The following ZNF705A variants were observed in gnomAD, a reference collection of about 807,000 sequenced individuals.
ZNF705A encodes zinc finger protein 705A.
ZNF705A carries 8 observed loss-of-function variants against 16.6 expected under a neutral mutation model. That is an observed-to-expected ratio of 0.48 (90% CI 0.28 to 0.87). The LOEUF is 0.87. Among genes scored for constraint, ZNF705A ranks in the 40% least tolerant of loss-of-function variants. The probability of loss-of-function intolerance (pLI) is 0.10; values close to 1 mark genes in which losing one functional copy is unlikely to be tolerated. For missense variants in ZNF705A, 233 were observed against 359.9 expected (o/e 0.65, Z 2.85); for synonymous variants, 73 against 117.3 (o/e 0.62, Z 2.44).
chr12:8,172,259 T>C (rs755901078), upstream of ZNF705A, among the ~76,000 whole-genome samples: 10 of 151,458 alleles, frequency 6.6e-5, no homozygotes, highest in Admixed American at 6.6e-4. Context: ...GATCCCTGTG[T>C]TTTAAAATCA....
intron 1 of ZNF705A, among the ~76,000 whole-genome samples, chr12:8,165,223 G>C (rs4597133): frequency 2.7e-4 from 40 of 150,024 alleles, no homozygotes; most frequent in Admixed American, 6.6e-4. Context: ...TTTTCATATA[G>C]TTGTTGGCCA....
At chr12:8,176,004 A>G in intron 4 of ZNF705A, 62 bp downstream of exon 5, 1 of 1,580,226 alleles carries the variant, frequency 6.3e-7, no homozygotes, top group South Asian at 1.1e-5. Context: ...GGGTTAAGTT[A>G]GTAATGAAGC....
intron 1 of ZNF705A, among the ~76,000 whole-genome samples, chr12:8,162,905 T>C (rs1181778908): frequency 6.6e-6 from 1 of 152,210 alleles, no homozygotes; most frequent in Non-Finnish European, 1.5e-5. Context: ...TTACAGTACT[T>C]ACTGCCTTGT....
At chr12:8,163,794 AT>A (rs1383050405) in intron 1 of ZNF705A, among the ~76,000 whole-genome samples, 1 of 152,208 alleles carries the variant, frequency 6.6e-6, no homozygotes, top group African/African-American at 2.4e-5. Flanking sequence ...TGGCTGCTAA[AT>A]CCCCACCTAT....
chr12:8,170,793 T>C (rs771110930), upstream of ZNF705A, among the ~76,000 whole-genome samples: 1 of 152,304 alleles, frequency 6.6e-6, no homozygotes, highest in South Asian at 2.1e-4. Context: ...CATATGTTAC[T>C]GGAGTCCTGA....
upstream of ZNF705A, among the ~76,000 whole-genome samples, chr12:8,171,302 A>G (rs2120718819): frequency 6.6e-6 from 1 of 152,306 alleles, no homozygotes; most frequent in South Asian, 2.1e-4. Context: ...TTATTTTTAT[A>G]TTTTTAGCAG....
At chr12:8,177,236 C>G in exon 5 of ZNF705A, 1 of 1,611,580 alleles carries the variant, frequency 6.2e-7, no homozygotes, top group South Asian at 1.1e-5. Context: ...TAATTGCTTT[C>G]GCCTTAGACG....
At chr12:8,157,929 A>G (rs1591619811) in intron 1 of ZNF705A, among the ~76,000 whole-genome samples, 2 of 152,270 alleles carry the variant, frequency 1.3e-5, no homozygotes, top group East Asian at 3.9e-4. Flanking sequence ...TTTAAAGGAA[A>G]AAGAGGCAGA....
intron 1 of ZNF705A, among the ~76,000 whole-genome samples, chr12:8,173,104 C>T (rs764021882): frequency 6.6e-6 from 1 of 152,328 alleles, no homozygotes; most frequent in East Asian, 1.9e-4. Context: ...CACAGCCCAA[C>T]AATGAGTCTG....
At chr12:8,175,923 C>T in exon 4 of ZNF705A, 1 of 1,611,514 alleles carries the variant, frequency 6.2e-7, no homozygotes, top group Non-Finnish European at 8.5e-7. Flanking sequence ...AGAAAAGACG[C>T]ATCCACCAGT....
At chr12:8,158,262 C>A (rs969213139) in intron 1 of ZNF705A, among the ~76,000 whole-genome samples, 9 of 151,994 alleles carry the variant, frequency 5.9e-5, no homozygotes, top group African/African-American at 2.2e-4. Flanking sequence ...TTTTTATTAC[C>A]CGCAAAGTTC....
chr12:8,175,384 T>C, intron 3 of ZNF705A, 61 bp downstream of exon 4: 1 of 1,148,606 alleles, frequency 8.7e-7, no homozygotes, highest in Non-Finnish European at 1.3e-6. Context: ...ATAATATCAG[T>C]TGAATATTAA....
chr12:8,170,181 C>T (rs1187861854), upstream of ZNF705A, among the ~76,000 whole-genome samples: 3 of 115,836 alleles, frequency 2.6e-5, no homozygotes, highest in Non-Finnish European at 5.0e-5. Context: ...AAGAGCGAAA[C>T]TCTCCCCCCC....
intron 1 of ZNF705A, among the ~76,000 whole-genome samples, chr12:8,160,545 G>C (rs989896223): frequency 1.4e-5 from 2 of 147,132 alleles, no homozygotes; most frequent in Non-Finnish European, 1.5e-5. Flanking sequence ...TGCCTCTTTG[G>C]TTAGGTATAT....
chr12:8,167,361 C>T (rs1015342566), intron 1 of ZNF705A, among the ~76,000 whole-genome samples: 4 of 152,196 alleles, frequency 2.6e-5, no homozygotes, highest in Admixed American at 2.6e-4. Context: ...TCTCAAAAAT[C>T]CAATCAAACT....
chr12:8,165,922 G>A (rs571478844), intron 1 of ZNF705A, among the ~76,000 whole-genome samples: 3 of 152,168 alleles, frequency 2.0e-5, no homozygotes, highest in Non-Finnish European at 4.4e-5. Context: ...ACATTGATGG[G>A]CATCTAGGTT....
chr12:8,167,795 A>G (rs1257312265), upstream of ZNF705A, among the ~76,000 whole-genome samples: 2 of 152,226 alleles, frequency 1.3e-5, no homozygotes, highest in African/African-American at 4.8e-5. Flanking sequence ...AAGGGCATAC[A>G]GCGGAAAAAG....
At chr12:8,168,156 G>A (rs1406314609), upstream of ZNF705A, among the ~76,000 whole-genome samples, 5 of 152,054 alleles carry the variant, frequency 3.3e-5, no homozygotes, top group African/African-American at 1.2e-4. Context: ...TAACATGCAC[G>A]CCCAAGAAGT....
At chr12:8,157,234 A>G in intron 1 of ZNF705A, 142 bp downstream of exon 1, 1 of 392,252 alleles carries the variant, frequency 2.5e-6, no homozygotes, top group Non-Finnish European at 4.5e-6. Context: ...AATAGGCTGA[A>G]ATGACACTGT....
Sources: allele counts gnomAD v4.1 joint callset (sites outside exome capture counted in the v4.1 genomes callset), GRCh38; gene constraint gnomAD v4.1.1; transcripts MANE v1.5; gene names NCBI Gene and HGNC (gene_info 2026-07-23, HGNC 2026-07-21).